The following MACROD2 variants were observed in gnomAD, a reference collection of about 807,000 sequenced individuals.
The protein encoded by MACROD2 is ADP-ribose glycohydrolase MACROD2.
MACROD2 carries 36 observed loss-of-function variants against 70.4 expected under a neutral mutation model. That is an observed-to-expected ratio of 0.51 (90% confidence interval 0.39 to 0.68). MACROD2 has a LOEUF of 0.68. Among genes scored for constraint, MACROD2 ranks in the 30% least tolerant of loss-of-function variants. MACROD2 has a pLI of 0.00. For missense variants in MACROD2, 496 were observed against 538.4 expected (o/e 0.92, Z 0.78); for synonymous variants, 172 against 178.8 (o/e 0.96, Z 0.30).
rs146241069 is a variant in MACROD2 at position 14,573,575 on chromosome 20, A to ATT, written c.301+80068_301+80069dup. 1.7e-4 allele frequency among the ~76,000 whole-genome samples: 18 copies of ATT among 104,562 alleles called. No individual in the cohort carries two copies. In the South Asian group the frequency reaches 2.2e-3, roughly 13 times the overall value. 68.6% of individuals were successfully genotyped at this position (104,562 alleles called of 152,430 possible). ...TAGGATTAGGCCTTAGAGAAAAGATATTATTTTTTTTTTCAGATATACTTG... is the reference window on the plus strand; with the variant it reads ...TAGGATTAGGCCTTAGAGAAAAGATATTTTATTTTTTTTTTCAGATATACTTG... On this transcript the variant is annotated intron_variant, in intron 4 of 17. Transcript: ENST00000684519.
intron 4 of MACROD2, among the ~76,000 whole-genome samples, chr20:14,649,238 G>C (rs541679307): frequency 6.6e-6 from 1 of 152,322 alleles, no homozygotes; most frequent in South Asian, 2.1e-4. Flanking sequence ...GTTCTACCAT[G>C]AAGTATGGAC....
intron 4 of MACROD2, among the ~76,000 whole-genome samples, chr20:14,647,993 A>G (rs1416882187): frequency 6.6e-6 from 1 of 152,156 alleles, no homozygotes; most frequent in African/African-American, 2.4e-5. Context: ...AGTGTCTTTC[A>G]TTAGACTAAG....
chr20:15,819,814 G>A (rs2063920093), intron 8 of MACROD2, among the ~76,000 whole-genome samples: 1 of 152,092 alleles, frequency 6.6e-6, no homozygotes, highest in Non-Finnish European at 1.5e-5. Flanking sequence ...CAAAGTGGCA[G>A]ATATATAGAA....
intron 5 of MACROD2, among the ~76,000 whole-genome samples, chr20:14,718,736 ATTGTTTGGAAACTT>A (rs1194710308): frequency 6.6e-6 from 1 of 151,706 alleles, no homozygotes; most frequent in Middle Eastern, 3.2e-3. Flanking sequence ...ACAAAATTTC[ATTGTTTGGAAACTT>A]TTCCAGAAAA....
intron 3 of MACROD2, among the ~76,000 whole-genome samples, chr20:14,437,849 C>T (rs771235484): frequency 2.0e-5 from 3 of 151,854 alleles, no homozygotes; most frequent in Non-Finnish European, 4.4e-5. Context: ...ATTTAAGATA[C>T]AAAACATTAT....
At chr20:14,530,485 A>G (rs1187415643) in intron 4 of MACROD2, among the ~76,000 whole-genome samples, 1 of 152,192 alleles carries the variant, frequency 6.6e-6, no homozygotes, top group Non-Finnish European at 1.5e-5. Flanking sequence ...TGTATGTATT[A>G]TAGCCAGTTG....
chr20:14,104,458 T>C (rs148642557), intron 3 of MACROD2, among the ~76,000 whole-genome samples: 37 of 152,302 alleles, frequency 2.4e-4, no homozygotes, highest in Non-Finnish European at 5.4e-4. Flanking sequence ...GGAATACAGA[T>C]GATTGCTGAA....
At chr20:14,336,789 CCT>C (rs1469380262) in intron 3 of MACROD2, among the ~76,000 whole-genome samples, 1 of 152,176 alleles carries the variant, frequency 6.6e-6, no homozygotes, top group Non-Finnish European at 1.5e-5. Flanking sequence ...GTCTCCCCCT[CCT>C]CTGAGTTCAA....
intron 3 of MACROD2, among the ~76,000 whole-genome samples, chr20:14,162,343 G>C (rs1207142542): frequency 6.6e-6 from 1 of 152,150 alleles, no homozygotes; most frequent in Non-Finnish European, 1.5e-5. Flanking sequence ...CATTTATTCT[G>C]TAACTGTTGG....
intron 6 of MACROD2, among the ~76,000 whole-genome samples, chr20:15,306,288 C>T (rs1426527456): frequency 1.3e-5 from 2 of 152,168 alleles, no homozygotes; most frequent in Non-Finnish European, 1.5e-5. Context: ...CTGTAGTTTA[C>T]TTTTTCCTAA....
chr20:14,433,124 T>A (rs1207906241), intron 3 of MACROD2, among the ~76,000 whole-genome samples: 1 of 152,162 alleles, frequency 6.6e-6, no homozygotes, highest in African/African-American at 2.4e-5. Context: ...CCAGTTCATA[T>A]TCTTAAACAG....
At chr20:14,809,958 C>CA (rs139229207) in intron 5 of MACROD2, among the ~76,000 whole-genome samples, 60,163 of 151,532 alleles carry the variant, frequency 0.4, 13,511 homozygotes, top group Non-Finnish European at 0.5. Context: ...GCCTACCAAC[C>CA]AAAAAAAGGC....
chr20:14,875,115 G>T (rs2073534756), intron 5 of MACROD2, among the ~76,000 whole-genome samples: 1 of 152,040 alleles, frequency 6.6e-6, no homozygotes, highest in Non-Finnish European at 1.5e-5. Flanking sequence ...GGGCGCAGTG[G>T]CTCATGCCTG....
At chr20:14,655,189 A>G (rs910892329) in intron 4 of MACROD2, among the ~76,000 whole-genome samples, 2 of 152,226 alleles carry the variant, frequency 1.3e-5, no homozygotes, top group Non-Finnish European at 2.9e-5. Flanking sequence ...GATTAGAAGA[A>G]AGGATGCTTC....
intron 5 of MACROD2, among the ~76,000 whole-genome samples, chr20:14,871,750 C>A (rs991295404): frequency 4.6e-5 from 7 of 152,060 alleles, no homozygotes; most frequent in African/African-American, 1.7e-4. Context: ...GAAAGAAGAT[C>A]ATAGATATGC....
chr20:15,619,076 C>T (rs1421403281), intron 8 of MACROD2, among the ~76,000 whole-genome samples: 2 of 152,102 alleles, frequency 1.3e-5, no homozygotes, highest in Non-Finnish European at 2.9e-5. Flanking sequence ...CTGAGTGGTG[C>T]CAGCTGATCC....
intron 6 of MACROD2, among the ~76,000 whole-genome samples, chr20:15,379,458 G>T (rs978380248): frequency 1.3e-5 from 2 of 151,720 alleles, no homozygotes; most frequent in Non-Finnish European, 2.9e-5. Flanking sequence ...AAAATCCAGG[G>T]TTTGTTTTTT....
intron 5 of MACROD2, among the ~76,000 whole-genome samples, chr20:15,156,010 C>G (rs2076304306): frequency 2.6e-5 from 4 of 152,088 alleles, no homozygotes; most frequent in African/African-American, 9.7e-5. Context: ...TTTCCTTTAC[C>G]CTTAGGTGGT....
intron 5 of MACROD2, among the ~76,000 whole-genome samples, chr20:14,782,494 A>G (rs1423501654): frequency 6.6e-6 from 1 of 152,116 alleles, no homozygotes; most frequent in Non-Finnish European, 1.5e-5. Flanking sequence ...TATGTAGTTG[A>G]AGATTCCTCA....
Sources: gnomAD v4.1 joint callset for allele counts (sites outside exome capture counted in the v4.1 genomes callset) on GRCh38, gnomAD v4.1.1 for gene constraint, MANE v1.5 for transcripts, NCBI Gene and HGNC (gene_info 2026-07-23, HGNC 2026-07-21) for gene names.